Variants in MSRA observed in about 807,000 individuals in gnomAD.
MSRA encodes the protein methionine sulfoxide reductase A.
A neutral mutation model predicts 31.3 loss-of-function variants in MSRA; 54 were observed. The observed-to-expected ratio is 1.73, with a 90% confidence interval of 1.39 to 2.17. The LOEUF (loss-of-function observed/expected upper bound fraction) is 2.17, where lower values mean the gene tolerates loss of function less well. Ranked by LOEUF, MSRA falls within the 30% of genes most tolerant of loss-of-function variation. MSRA has a pLI of 0.00. For synonymous variants in MSRA, 169 were observed against 116.5 expected (o/e 1.45, Z -2.90); for missense variants, 507 against 300.9 (o/e 1.69, Z -5.07).
intron 1 of MSRA, among the ~76,000 whole-genome samples, chr8:10,109,809 T>TC (rs1753716247): frequency 1.3e-5 from 2 of 152,254 alleles, no homozygotes; most frequent in African/African-American, 2.4e-5. Context: ...TGTCTTTTTT[T>TC]CACAGTTTGT....
intron 5 of MSRA, among the ~76,000 whole-genome samples, chr8:10,409,736 C>T (rs774460358): frequency 1.3e-5 from 2 of 152,210 alleles, no homozygotes; most frequent in Non-Finnish European, 2.9e-5. Flanking sequence ...AGGACTTTCA[C>T]TTGGGTTGAT....
intron 1 of MSRA, among the ~76,000 whole-genome samples, chr8:10,070,214 C>A (rs1367925416): frequency 1.3e-5 from 2 of 152,204 alleles, no homozygotes; most frequent in Non-Finnish European, 2.9e-5. Flanking sequence ...GGTCTTTGAT[C>A]TTTGCCAGTG....
In MSRA at chr8:10,095,883, A is replaced by G. The variant is rs376816607; in HGVS notation, c.142+41225A>G. ...GGAAATACTATATTTGATTTTTTGC[A>G]TGTATGATTATACCATGAGAGACAG... On this transcript the variant is annotated intron_variant, in intron 1 of 5. Coordinates refer to ENST00000317173, the MANE Select transcript of MSRA (RefSeq NM_012331.5). 12 of 1,281,576 alleles carry G rather than the reference A, an allele frequency of 9.4e-6. No individual in the cohort carries two copies. The East Asian group carries it at 1.5e-4, about 16-fold the overall frequency. 79.4% of individuals were successfully genotyped at this position (1,281,576 alleles called of 1,614,324 possible).
intron 4 of MSRA, among the ~76,000 whole-genome samples, chr8:10,315,561 A>G (rs1219065800): frequency 6.6e-6 from 1 of 152,224 alleles, no homozygotes; most frequent in East Asian, 1.9e-4. Context: ...TAAATCTGGA[A>G]ACTACAAAGG....
intron 1 of MSRA, among the ~76,000 whole-genome samples, chr8:10,086,272 A>G (rs1208256180): frequency 6.6e-6 from 1 of 152,216 alleles, no homozygotes; most frequent in South Asian, 2.1e-4. Flanking sequence ...TTGGGTTTTC[A>G]GGTTGAGCAG....
chr8:10,057,002 C>G (rs998895252), intron 1 of MSRA, among the ~76,000 whole-genome samples: 1 of 152,198 alleles, frequency 6.6e-6, no homozygotes, highest in East Asian at 1.9e-4. Flanking sequence ...TAGCGTTCAT[C>G]CTACCATTTT....
intron 1 of MSRA, among the ~76,000 whole-genome samples, chr8:10,147,443 G>A (rs910855959): frequency 6.6e-6 from 1 of 152,130 alleles, no homozygotes; most frequent in Non-Finnish European, 1.5e-5. Flanking sequence ...TCCTCACAAC[G>A]TAGTGGCTGA....
chr8:10,236,242 T>C (rs949860752), intron 2 of MSRA, among the ~76,000 whole-genome samples: 1 of 152,166 alleles, frequency 6.6e-6, no homozygotes, highest in Non-Finnish European at 1.5e-5. Flanking sequence ...CAGCATTGTA[T>C]GGAAGGTCCT....
intron 1 of MSRA, among the ~76,000 whole-genome samples, chr8:10,093,701 C>A (rs1403682504): frequency 1.3e-5 from 2 of 152,122 alleles, no homozygotes; most frequent in Non-Finnish European, 2.9e-5. Context: ...TCTGCAGTTA[C>A]CTTTATACTT....
chr8:10,305,018 C>T (rs10089339), intron 4 of MSRA, among the ~76,000 whole-genome samples: 23,226 of 152,138 alleles, frequency 0.15, 1,976 homozygotes, highest in African/African-American at 0.21. Flanking sequence ...TGTGAAGATG[C>T]GCCCAGGAAA....
intron 5 of MSRA, among the ~76,000 whole-genome samples, chr8:10,407,568 A>G (rs1807895382): frequency 6.6e-6 from 1 of 152,192 alleles, no homozygotes; most frequent in East Asian, 1.9e-4. Context: ...GCCGTGTGCC[A>G]AGAGAGGGGA....
chr8:10,250,589 A>T, intron 3 of MSRA: 1 of 650,532 alleles, frequency 1.5e-6, no homozygotes, highest in South Asian at 1.7e-5. Flanking sequence ...CCTTATCAAC[A>T]GAATACTCCG....
At chr8:10,220,939 T>C (rs1366675012) in intron 2 of MSRA, among the ~76,000 whole-genome samples, 1 of 152,214 alleles carries the variant, frequency 6.6e-6, no homozygotes, top group Admixed American at 6.5e-5. Flanking sequence ...GACAGCTACC[T>C]GAGGACAGAT....
intron 5 of MSRA, among the ~76,000 whole-genome samples, chr8:10,369,789 TA>T (rs968583869): frequency 2.6e-5 from 4 of 152,244 alleles, no homozygotes; most frequent in African/African-American, 9.6e-5. Context: ...AAATACTCTT[TA>T]AAAACAGTCA....
chr8:10,056,008 A>G (rs1250401578), intron 1 of MSRA, among the ~76,000 whole-genome samples: 1 of 152,064 alleles, frequency 6.6e-6, no homozygotes, highest in Non-Finnish European at 1.5e-5. Flanking sequence ...ATACTTATAT[A>G]TAGATTTATA....
At position 10,054,658 on chromosome 8, in the gene MSRA, G is replaced by GCCAAACATCAT; in HGVS notation, c.142_142+1insCCAAACATCAT (p.Val52ProfsTer38). 6.5e-7 allele frequency: 1 copy of GCCAAACATCAT among 1,548,170 alleles called. No individual in the cohort carries two copies. Among genetic ancestry groups the GCCAAACATCAT allele is most frequent in the East Asian group, 2.7e-5 (1 of 37,370 alleles). On this transcript the variant is annotated frameshift_variant and splice_region_variant. Coordinates refer to ENST00000317173, the MANE Select transcript of MSRA (RefSeq NM_012331.5). LOFTEE classifies it high-confidence loss of function. ...CCGGAAGGAACAGACCCCTGTAGCGGGTAAGCACTGGCCACACGGAAGGCG... is the reference window on the plus strand; with the variant it reads ...CCGGAAGGAACAGACCCCTGTAGCGGCCAAACATCATGTAAGCACTGGCCACACGGAAGGCG...
intron 5 of MSRA, among the ~76,000 whole-genome samples, chr8:10,399,361 G>A (rs1036168794): frequency 6.6e-6 from 1 of 152,140 alleles, no homozygotes; most frequent in Non-Finnish European, 1.5e-5. Context: ...CAGTGTTGGC[G>A]GTGGGCCTGG....
In MSRA at chr8:10,331,650, A is replaced by T. The variant is rs558696217; in HGVS notation, c.543+11661A>T. Among the ~76,000 whole-genome samples, 99 of 152,286 alleles carry T rather than the reference A, an allele frequency of 6.5e-4. 1 individual carries two copies. Among genetic ancestry groups the T allele is most frequent in the Middle Eastern group, 3.4e-3 (1 of 294 alleles). ...TGCTAATCTTTCAGGCATTTTACGA[A>T]TACAGTCATCCTTCGGTATCCAATG... On this transcript the variant is annotated intron_variant, in intron 5 of 5. Transcript: ENST00000317173.
At chr8:10,101,082 C>G (rs1156675442) in intron 1 of MSRA, among the ~76,000 whole-genome samples, 1 of 152,160 alleles carries the variant, frequency 6.6e-6, no homozygotes, top group Admixed American at 6.5e-5. Flanking sequence ...GCCTTTGAAA[C>G]AAATAGTCCT....
Sources: gnomAD v4.1 joint callset for allele counts (sites outside exome capture counted in the v4.1 genomes callset) on GRCh38, gnomAD v4.1.1 for gene constraint, MANE v1.5 for transcripts, NCBI Gene and HGNC (gene_info 2026-07-23, HGNC 2026-07-21) for gene names.